DHTKD1: variants seen among roughly 807,000 people sequenced by gnomAD.
DHTKD1 encodes dehydrogenase E1 and transketolase domain containing 1.
Under a neutral mutation model 101.8 loss-of-function variants are expected in DHTKD1, and 78 were observed. The observed-to-expected ratio is 0.77, with a 90% CI of 0.64 to 0.93. DHTKD1 has a LOEUF of 0.93. Ranked by LOEUF, DHTKD1 falls within the 40% of genes least tolerant of loss-of-function variation. DHTKD1 has a pLI of 0.00. For synonymous variants in DHTKD1, 462 were observed against 450.3 expected (o/e 1.03, Z -0.33); for missense variants, 1,223 against 1,161.7 (o/e 1.05, Z -0.77).
Position 12,107,956 on chromosome 10 carries a change from C to G in DHTKD1, c.2095C>G (p.His699Asp). 3.1e-6 allele frequency: 5 copies of G among 1,614,102 alleles called. No homozygotes were observed. Among genetic ancestry groups the G allele is most frequent in the Non-Finnish European group, 4.2e-6 (5 of 1,179,976 alleles). The change falls in exon 12 of 17, where the codon CAT becomes GAT. Residue 699 changes from histidine (H) to aspartate (D), a missense_variant. His to Asp is a moderately conservative substitution (Grantham distance 81). Transcript: ENST00000263035. This position sits in a 1 kb window ranked among gnomAD's most constrained non-coding sequence, Gnocchi z 4.1. ...LQSGIVILLPHGYDGAGPDHS... is the reference protein window; with the variant it reads ...LQSGIVILLPDGYDGAGPDHS... ...AAGCGGCATCGTCATCCTCCTTCCA[C>G]ATGGCTACGATGGGGCTGGGCCAGA...
At chr10:12,106,704 A>G (rs1833254551) in intron 11 of DHTKD1, among the ~76,000 whole-genome samples, 1 of 152,306 alleles carries the variant, frequency 6.6e-6, no homozygotes, top group South Asian at 2.1e-4. Flanking sequence ...GTACCTGCTC[A>G]CCGTAAAAAT....
chr10:12,084,825 C>T (rs574124338), intron 3 of DHTKD1, 74 bp downstream of exon 3: 39 of 1,346,772 alleles, frequency 2.9e-5, no homozygotes, highest in Admixed American at 1.0e-4. Context: ...CCGAGGCGGG[C>T]GGATCACCTG....
At chr10:12,076,610 A>G (rs1258067795) in intron 1 of DHTKD1, among the ~76,000 whole-genome samples, 1 of 152,080 alleles carries the variant, frequency 6.6e-6, no homozygotes, top group African/African-American at 2.4e-5. Context: ...AGGCAGGAGG[A>G]TCTCTCGAGC....
intron 1 of DHTKD1, among the ~76,000 whole-genome samples, chr10:12,071,545 G>A (rs1012589843): frequency 6.6e-6 from 1 of 151,738 alleles, no homozygotes; most frequent in African/African-American, 2.4e-5. Flanking sequence ...GCCGAGGTGG[G>A]CGGATCACCA....
chr10:12,101,186 G>C lies in DHTKD1; in HGVS notation c.1896+5G>C, dbSNP rs202087277. 1.2e-6 allele frequency: 2 copies of C among 1,611,086 alleles called. No homozygotes were observed. Among genetic ancestry groups the C allele is most frequent in the East Asian group, 4.5e-5 (2 of 44,862 alleles). On this transcript the variant is annotated splice_donor_5th_base_variant and intron_variant, in intron 10 of 16. Transcript: ENST00000263035. ...AATCAGAAGGGGTTTCTAGAGGTGA[G>C]ATGTTTCTATAGCTGTTGTAAAATC...
At chr10:12,100,887 T>C (rs1833158458) in intron 9 of DHTKD1, among the ~76,000 whole-genome samples, 155 bp from the exon 10 acceptor site, 1 of 152,204 alleles carries the variant, frequency 6.6e-6, no homozygotes, top group South Asian at 2.1e-4. Context: ...ATCTTAACTA[T>C]AGACTTTTGA....
chr10:12,114,299 A>AT lies in DHTKD1; in HGVS notation c.2319+1250dup, dbSNP rs1223823337. ...GAGTTTTAATTAGAATTAGTATTAA[A>AT]TTTTTTTTTTTTTTTGAGACGGAGT... On this transcript the variant is annotated intron_variant, in intron 13 of 16. Transcript: ENST00000263035. Among the ~76,000 whole-genome samples the AT allele has an allele frequency of 6.7e-3, 975 of 144,686 alleles. 9 individuals carry two copies. Among genetic ancestry groups the AT allele is most frequent in the East Asian group, 0.015 (76 of 5,014 alleles). The allele number at this position is 144,686 out of a possible 152,430, so 94.9% of individuals were successfully genotyped here.
chr10:12,097,243 TTTTTA>T (rs1168117624), intron 7 of DHTKD1, among the ~76,000 whole-genome samples: 2 of 152,000 alleles, frequency 1.3e-5, no homozygotes, highest in African/African-American at 2.4e-5. Context: ...CCTGAATGCC[TTTTTA>T]TTTTATTTTT....
At position 12,107,403 on chromosome 10, in the gene DHTKD1, C is replaced by T. The variant is rs1458598591; in HGVS notation, c.2048-506C>T. Among the ~76,000 whole-genome samples, 4 of 152,020 alleles carry T rather than the reference C, an allele frequency of 2.6e-5. No homozygotes were observed. Among genetic ancestry groups the T allele is most frequent in the Non-Finnish European group, 4.4e-5 (3 of 68,006 alleles). On this transcript the variant is annotated intron_variant, in intron 11 of 16. Transcript: ENST00000263035. The surrounding 1 kb of genome is among the most constrained non-coding windows in gnomAD (Gnocchi z 4.1). Reference sequence around the variant, plus strand: ...GTCTTCCACTCGTAAAAGCCCAGGGCCTGTGCCGTGATAGGTTATGGCTTT... The same window carrying T: ...GTCTTCCACTCGTAAAAGCCCAGGGTCTGTGCCGTGATAGGTTATGGCTTT...
At chr10:12,105,248 G>A (rs11257537) in intron 10 of DHTKD1, among the ~76,000 whole-genome samples, 70,670 of 151,886 alleles carry the variant, frequency 0.47, 17,879 homozygotes, top group South Asian at 0.69. Context: ...ATGCAAATAC[G>A]ATGTTAGAAT....
At chr10:12,095,164 T>G (rs1450270537) in intron 7 of DHTKD1, among the ~76,000 whole-genome samples, 2 of 152,170 alleles carry the variant, frequency 1.3e-5, no homozygotes, top group African/African-American at 2.4e-5. Flanking sequence ...CAGAAGATTC[T>G]AATGAATGTT....
chr10:12,095,504 C>G (rs985861774), intron 7 of DHTKD1, among the ~76,000 whole-genome samples: 16 of 151,294 alleles, frequency 1.1e-4, no homozygotes, highest in Admixed American at 8.6e-4. Flanking sequence ...ATGGTGAAAC[C>G]CCATCTCTAC....
chr10:12,075,933 G>C (rs973726278), intron 1 of DHTKD1, among the ~76,000 whole-genome samples: 15 of 144,504 alleles, frequency 1.0e-4, no homozygotes, highest in Admixed American at 4.1e-4. Flanking sequence ...GACAGAGCGA[G>C]ACTCTGTCTC....
At chr10:12,095,930 AC>A (rs1210397654) in intron 7 of DHTKD1, among the ~76,000 whole-genome samples, 4 of 152,056 alleles carry the variant, frequency 2.6e-5, no homozygotes, top group Admixed American at 2.6e-4. Flanking sequence ...AATCGCTTGA[AC>A]TGGGGAGGCG....
chr10:12,078,364 G>C (rs1009988183), intron 1 of DHTKD1, among the ~76,000 whole-genome samples: 2 of 151,992 alleles, frequency 1.3e-5, no homozygotes, highest in African/African-American at 4.8e-5. Context: ...AACAGAGGTT[G>C]CAATGAGCCA....
At chr10:12,093,136 C>T (rs557680681) in intron 6 of DHTKD1, among the ~76,000 whole-genome samples, 4 of 151,984 alleles carry the variant, frequency 2.6e-5, no homozygotes, top group South Asian at 2.1e-4. Context: ...TTGCACCTCC[C>T]GGGTTCAAGC....
In DHTKD1 at chr10:12,098,058, T is replaced by A. The variant is rs573764275; in HGVS notation, c.1671+62T>A. 9 of 1,480,364 alleles carry A rather than the reference T, an allele frequency of 6.1e-6. No individual in the cohort carries two copies. In the South Asian group the frequency reaches 1.1e-4, roughly 17 times the overall value. The allele number at this position is 1,480,364 out of a possible 1,614,324, so 91.7% of individuals were successfully genotyped here. On this transcript the variant is annotated intron_variant, in intron 8 of 16. Transcript: ENST00000263035. ...TTCCTGCTCAGCAAAGGAGCTGACGTTGGTCTGGTGTTTTCAGTTGTCTGA... is the reference window on the plus strand; with the variant it reads ...TTCCTGCTCAGCAAAGGAGCTGACGATGGTCTGGTGTTTTCAGTTGTCTGA...
At chr10:12,080,118 A>G (rs1384014522) in intron 1 of DHTKD1, among the ~76,000 whole-genome samples, 1 of 151,994 alleles carries the variant, frequency 6.6e-6, no homozygotes, top group African/African-American at 2.4e-5. Flanking sequence ...GTGTCTACTA[A>G]AAATAGAAAA....
chr10:12,076,976 A>T (rs373885704), intron 1 of DHTKD1, among the ~76,000 whole-genome samples: 3 of 67,624 alleles, frequency 4.4e-5, no homozygotes, highest in South Asian at 3.8e-4. Context: ...TGTTTCTGAT[A>T]AAAAAAAAAA....
Sources: allele counts gnomAD v4.1 joint callset (sites outside exome capture counted in the v4.1 genomes callset), GRCh38; gene constraint gnomAD v4.1.1; non-coding constraint Gnocchi (gnomAD v3.1); transcripts MANE v1.5; gene names NCBI Gene and HGNC (gene_info 2026-07-23, HGNC 2026-07-21).